ANKRD36C: variants seen among roughly 807,000 people sequenced by gnomAD.
The protein encoded by ANKRD36C is ankyrin repeat domain 36C, also known as ankyrin repeat domain-containing protein 36C.
A neutral mutation model predicts 276.4 loss-of-function variants in ANKRD36C; 61 were observed. The observed-to-expected ratio is 0.22, with a 90% confidence interval of 0.18 to 0.27. The LOEUF (loss-of-function observed/expected upper bound fraction) is 0.27, where lower values mean the gene tolerates loss of function less well. Ranked by LOEUF, ANKRD36C falls within the 10% of genes least tolerant of loss-of-function variation. ANKRD36C has a pLI of 1.00. For synonymous variants in ANKRD36C, 483 were observed against 680.1 expected (o/e 0.71, Z 4.51); for missense variants, 1,447 against 2,032.3 (o/e 0.71, Z 5.54).
intron 6 of ANKRD36C, among the ~76,000 whole-genome samples, chr2:95,971,009 T>C (rs1395306081): frequency 1.3e-5 from 2 of 152,092 alleles, no homozygotes; most frequent in Admixed American, 6.6e-5. Flanking sequence ...AATCCTACAT[T>C]AATAAACTAA....
chr2:95,912,422 T>A (rs928617805), exon 41 of ANKRD36C: 3 of 1,604,758 alleles, frequency 1.9e-6, no homozygotes, highest in Non-Finnish European at 2.5e-6. Context: ...AGGCTGGTTT[T>A]TTCCGAGAAG....
intron 52 of ANKRD36C, 149 bp from the exon 73 acceptor site, chr2:95,884,517 A>G (rs1485183561): frequency 2.9e-6 from 4 of 1,360,484 alleles, no homozygotes; most frequent in South Asian, 1.2e-5. Flanking sequence ...GGATTGGAAC[A>G]TGACAGAAAT....
intron 38 of ANKRD36C, among the ~76,000 whole-genome samples, chr2:95,915,503 C>A (rs1310938453): frequency 1.3e-5 from 2 of 151,496 alleles, no homozygotes; most frequent in Non-Finnish European, 3.0e-5. Context: ...TTCCTCTTTT[C>A]CCACCTTCCT....
chr2:95,861,045 A>G (rs1025983151), intron 60 of ANKRD36C, among the ~76,000 whole-genome samples: 6 of 152,322 alleles, frequency 3.9e-5, no homozygotes, highest in East Asian at 1.9e-4. Flanking sequence ...CCAAAATACC[A>G]CATACTTCAC....
intron 13 of ANKRD36C, among the ~76,000 whole-genome samples, chr2:95,955,924 A>T (rs1473296642): frequency 6.6e-6 from 1 of 152,126 alleles, no homozygotes; most frequent in Non-Finnish European, 1.5e-5. Flanking sequence ...TTTAGCTGCC[A>T]TACATGAAAA....
At chr2:95,910,707 G>T in intron 42 of ANKRD36C, 139 bp from the exon 45 acceptor site, 21 of 1,484,520 alleles carry the variant, frequency 1.4e-5, no homozygotes, top group Non-Finnish European at 1.8e-5. Flanking sequence ...TTGTGTCTGG[G>T]GACTAGAACA....
chr2:95,875,543 G>A (rs1227131624), intron 59 of ANKRD36C, among the ~76,000 whole-genome samples: 2 of 109,108 alleles, frequency 1.8e-5, no homozygotes, highest in Non-Finnish European at 3.6e-5. Flanking sequence ...GGTGGGGGGA[G>A]GGGGGAGGGA....
chr2:95,865,626 T>G (rs943684987), intron 60 of ANKRD36C, among the ~76,000 whole-genome samples: 1 of 152,136 alleles, frequency 6.6e-6, no homozygotes, highest in Non-Finnish European at 1.5e-5. Context: ...CATATTTACC[T>G]TGTACACAAA....
At chr2:95,930,434 A>T (rs545692872) in intron 24 of ANKRD36C, among the ~76,000 whole-genome samples, 8 of 151,750 alleles carry the variant, frequency 5.3e-5, no homozygotes, top group African/African-American at 7.2e-5. Context: ...GTTATAATTT[A>T]AAAAATCATT....
chr2:95,892,587 A>T lies in ANKRD36C; in HGVS notation c.2756-727T>A, dbSNP rs1264225893. 2.0e-5 allele frequency among the ~76,000 whole-genome samples: 3 copies of T among 151,642 alleles called. No individual in the cohort carries two copies. In the East Asian group the frequency reaches 5.9e-4, roughly 30 times the overall value. The stretch of plus-strand genomic sequence containing the variant: ...TTATCAATTTTGACATACCTATACA[A>T]AGTAAAGCTGCTACAAGCATTAGAT... On this transcript the variant is annotated intron_variant, in intron 44 of 66. Transcript: ENST00000456556.
At chr2:95,942,998 C>A in intron 19 of ANKRD36C, among the ~76,000 whole-genome samples, 2 of 144,620 alleles carry the variant, frequency 1.4e-5, no homozygotes, top group Non-Finnish European at 2.9e-5. Context: ...AAAATAGGTA[C>A]TTTGTTTAGA....
chr2:95,892,580 C>G (rs191369943), intron 44 of ANKRD36C, among the ~76,000 whole-genome samples: 1 of 151,468 alleles, frequency 6.6e-6, no homozygotes, highest in Non-Finnish European at 1.5e-5. Context: ...TTTGACATAC[C>G]TATACAAAGT....
chr2:95,858,045 G>A (rs1224492315), intron 61 of ANKRD36C, among the ~76,000 whole-genome samples: 1 of 151,942 alleles, frequency 6.6e-6, no homozygotes, highest in African/African-American at 2.4e-5. Context: ...CCTACAGCCT[G>A]GAAGCCCCAG....
At chr2:95,911,621 T>C (rs1676927600) in intron 42 of ANKRD36C, among the ~76,000 whole-genome samples, 1 of 151,490 alleles carries the variant, frequency 6.6e-6, no homozygotes, top group South Asian at 2.1e-4. Flanking sequence ...TTTATGCCAA[T>C]TCAAACACTG....
At chr2:95,949,485 C>T (rs1678140227) in intron 16 of ANKRD36C, among the ~76,000 whole-genome samples, 1 of 152,126 alleles carries the variant, frequency 6.6e-6, no homozygotes, top group Non-Finnish European at 1.5e-5. Context: ...TGGCAATCCC[C>T]AATCTACATC....
At chr2:95,883,912 C>T (rs1676141790) in intron 54 of ANKRD36C, among the ~76,000 whole-genome samples, 1 of 151,842 alleles carries the variant, frequency 6.6e-6, no homozygotes, top group Non-Finnish European at 1.5e-5. Context: ...TATGCTGTAC[C>T]CTGAGCCCCT....
rs570813160 is a variant in ANKRD36C at position 95,918,107 on chromosome 2, C to T, written c.2246-65G>A. 19 of 1,570,444 alleles carry T rather than the reference C, an allele frequency of 1.2e-5. 1 individual carries two copies. In the South Asian group the frequency reaches 2.1e-4, roughly 18 times the overall value. On this transcript the variant is annotated intron_variant, in intron 34 of 66. Coordinates refer to ENST00000456556, the Ensembl canonical transcript of ANKRD36C. ...TATGATAAAGTTATCCATACATTCA[C>T]ACAGTGTTAGCATCAAGCTGTATCC...
intron 36 of ANKRD36C, among the ~76,000 whole-genome samples, chr2:95,916,661 C>T (rs924968585): frequency 6.6e-6 from 1 of 151,646 alleles, no homozygotes; most frequent in Non-Finnish European, 1.5e-5. Flanking sequence ...TGAATGTACA[C>T]TCACATCTCT....
intron 8 of ANKRD36C, 73 bp downstream of exon 8, chr2:95,962,279 G>C (rs1214416714): frequency 6.8e-7 from 1 of 1,476,568 alleles, no homozygotes; most frequent in African/African-American, 1.4e-5. Flanking sequence ...TGAGCTCCCT[G>C]CGATTTATTC....
Sources: gnomAD v4.1 joint callset for allele counts (sites outside exome capture counted in the v4.1 genomes callset) on GRCh38, gnomAD v4.1.1 for gene constraint, MANE v1.5 for transcripts, NCBI Gene and HGNC (gene_info 2026-07-23, HGNC 2026-07-21) for gene names.